CACNA2D3: variants seen among roughly 807,000 people sequenced by gnomAD.
CACNA2D3 encodes the protein calcium voltage-gated channel auxiliary subunit alpha2delta 3.
Under a neutral mutation model 160.6 loss-of-function variants are expected in CACNA2D3, and 60 were observed. The ratio of observed to expected loss-of-function variants is 0.37; its 90% CI spans 0.30 to 0.46. The LOEUF is 0.46. Among genes scored for constraint, CACNA2D3 ranks in the 20% least tolerant of loss-of-function variants. The pLI is 1.00. For missense variants in CACNA2D3, 1,205 were observed against 1,365.0 expected, an observed-to-expected ratio of 0.88 and a Z score of 1.85; for synonymous variants, 558 against 492.9, an observed-to-expected ratio of 1.13 and a Z score of -1.75.
At chr3:54,676,493 C>T (rs1398921303) in intron 11 of CACNA2D3, among the ~76,000 whole-genome samples, 1 of 152,036 alleles carries the variant, frequency 6.6e-6, no homozygotes, top group African/African-American at 2.4e-5. Context: ...GGGTTGTATG[C>T]AGGGGTGTGT....
intron 13 of CACNA2D3, among the ~76,000 whole-genome samples, chr3:54,792,361 T>G (rs1208084920): frequency 6.6e-6 from 1 of 152,212 alleles, no homozygotes; most frequent in Admixed American, 6.5e-5. Context: ...ACCACTGGAA[T>G]AGATAACTTA....
intron 18 of CACNA2D3, among the ~76,000 whole-genome samples, chr3:54,875,914 C>G (rs1284562215): frequency 1.3e-5 from 2 of 152,170 alleles, no homozygotes; most frequent in African/African-American, 4.8e-5. Flanking sequence ...CATTGCATTA[C>G]CACACTTGCG....
intron 21 of CACNA2D3, among the ~76,000 whole-genome samples, chr3:54,883,923 A>C (rs1451939255): frequency 6.6e-6 from 1 of 151,284 alleles, no homozygotes; most frequent in East Asian, 2.0e-4. Flanking sequence ...ATATTCTCTA[A>C]AGTTAAATTT....
chr3:55,031,191 G>A (rs1029725973), intron 35 of CACNA2D3, among the ~76,000 whole-genome samples: 4 of 152,174 alleles, frequency 2.6e-5, no homozygotes, highest in Admixed American at 6.5e-5. Context: ...GCATTTCTGC[G>A]GTGCATTGTC....
At chr3:54,691,030 G>C (rs1310752609) in intron 11 of CACNA2D3, among the ~76,000 whole-genome samples, 1 of 152,138 alleles carries the variant, frequency 6.6e-6, no homozygotes, top group Non-Finnish European at 1.5e-5. Context: ...TTCTCTGATT[G>C]TGTGTGCGTG....
At chr3:55,010,364 A>G (rs1703182122) in intron 34 of CACNA2D3, among the ~76,000 whole-genome samples, 1 of 152,194 alleles carries the variant, frequency 6.6e-6, no homozygotes, top group Non-Finnish European at 1.5e-5. Context: ...AAAAACCTGC[A>G]TGTACCCTCC....
chr3:54,871,571 C>T lies in CACNA2D3; in HGVS notation c.1659C>T (p.Asn553=), dbSNP rs1057400580. The part of the protein sequence containing the change: ...YEEGKKRRKP[N]YSSVDLSEVE... ...AAGGAAAAAAGCGAAGGAAACCTAA[C>T]TATAGTAGCGTTGACCTCTCTGAGG... Residue 553 remains asparagine (N), a synonymous_variant, in exon 18 of 38, where the codon AAC becomes AAT. Transcript: ENST00000474759. 6.2e-7 allele frequency: 1 copy of T among 1,613,492 alleles called. No homozygotes were observed. The highest frequency in any genetic ancestry group is 1.1e-5 in the South Asian group (1 of 91,060).
intron 4 of CACNA2D3, among the ~76,000 whole-genome samples, chr3:54,402,829 T>C (rs1699494996): frequency 6.6e-6 from 1 of 152,226 alleles, no homozygotes; most frequent in African/African-American, 2.4e-5. Flanking sequence ...AGAATATACA[T>C]TCTTCTCTAG....
At chr3:54,559,609 A>G (rs923687272) in intron 5 of CACNA2D3, among the ~76,000 whole-genome samples, 2 of 151,888 alleles carry the variant, frequency 1.3e-5, no homozygotes, top group Non-Finnish European at 2.9e-5. Context: ...TTTATTTTTA[A>G]CTTCAGGGGT....
chr3:54,317,026 C>T (rs779904035), intron 2 of CACNA2D3, among the ~76,000 whole-genome samples: 3 of 152,114 alleles, frequency 2.0e-5, no homozygotes, highest in Admixed American at 2.0e-4. Flanking sequence ...GCATTAGTTT[C>T]GTTTGTTTTA....
At chr3:54,678,670 G>A (rs1432993430) in intron 11 of CACNA2D3, among the ~76,000 whole-genome samples, 51 of 127,902 alleles carry the variant, frequency 4.0e-4, no homozygotes, top group African/African-American at 1.4e-3. Flanking sequence ...GTAATGAGCC[G>A]AGATCGTGCA....
chr3:54,239,399 T>C (rs549524116), intron 2 of CACNA2D3, among the ~76,000 whole-genome samples: 2 of 152,372 alleles, frequency 1.3e-5, no homozygotes, highest in African/African-American at 4.8e-5. Context: ...AGAGATTTTA[T>C]AATTCAGATG....
At position 54,590,224 on chromosome 3, in the gene CACNA2D3, T is replaced by TA. The variant is rs1240418324; in HGVS notation, c.963+8354dup. 2.0e-5 allele frequency among the ~76,000 whole-genome samples: 3 copies of TA among 152,080 alleles called. No homozygotes were observed. In the East Asian group the frequency reaches 5.8e-4, roughly 29 times the overall value. The stretch of plus-strand genomic sequence containing the variant: ...CCACTATGGAATATTACTTAGTAAT[T>TA]AAAAAAACAACAGCAATCTATTGAT... On this transcript the variant is annotated intron_variant, in intron 9 of 37. Transcript: ENST00000474759.
chr3:54,516,067 G>T (rs548979042), intron 5 of CACNA2D3, among the ~76,000 whole-genome samples: 2 of 152,198 alleles, frequency 1.3e-5, no homozygotes, highest in Non-Finnish European at 2.9e-5. Context: ...AGGGACATGT[G>T]TCATTGGGGG....
rs146301495 is a variant in CACNA2D3, at chr3:54,903,357, C to G, written c.2449+3489C>G. Among the ~76,000 whole-genome samples the G allele has an allele frequency of 5.5e-3, 832 of 152,308 alleles. 13 individuals carry two copies. Among genetic ancestry groups the G allele is most frequent in the South Asian group, 0.044 (210 of 4,822 alleles). On this transcript the variant is annotated intron_variant, in intron 27 of 37. Coordinates refer to ENST00000474759, the MANE Select transcript of CACNA2D3 (RefSeq NM_018398.3). ...TTGCTAAGGATAATGGCCTGCAATT[C>G]CATCTGTGTTCCTGCAAAGGACCTG... is the stretch of plus-strand genomic sequence containing the variant.
intron 2 of CACNA2D3, among the ~76,000 whole-genome samples, chr3:54,183,079 C>A (rs1319240166): frequency 6.6e-6 from 1 of 150,770 alleles, no homozygotes; most frequent in African/African-American, 2.5e-5. Flanking sequence ...TGACCTCATT[C>A]CCCCCCCAAA....
At chr3:55,027,694 C>T (rs928936276) in intron 35 of CACNA2D3, among the ~76,000 whole-genome samples, 1 of 152,104 alleles carries the variant, frequency 6.6e-6, no homozygotes, top group African/African-American at 2.4e-5. Flanking sequence ...AGCGTTTGGC[C>T]AGGAGTGCGC....
chr3:54,454,581 CAT>C (rs141027568), intron 4 of CACNA2D3, among the ~76,000 whole-genome samples: 2,926 of 152,190 alleles, frequency 0.019, 66 homozygotes, highest in East Asian at 0.1. Flanking sequence ...TCACCTCAAA[CAT>C]GTATCATTTC....
At chr3:54,583,431 A>G (rs1702711231) in intron 9 of CACNA2D3, among the ~76,000 whole-genome samples, 4 of 152,222 alleles carry the variant, frequency 2.6e-5, no homozygotes, top group Admixed American at 2.6e-4. Flanking sequence ...TTCTGCCAAT[A>G]TGGAGTAACC....
Sources: allele counts gnomAD v4.1 joint callset (sites outside exome capture counted in the v4.1 genomes callset), GRCh38; gene constraint gnomAD v4.1.1; transcripts MANE v1.5; gene names NCBI Gene and HGNC (gene_info 2026-07-23, HGNC 2026-07-21).